Variants in EPHB1 observed in about 807,000 individuals in gnomAD.
The protein encoded by EPHB1 is EPH receptor B1, also known as ephrin type-B receptor 1.
Under a neutral mutation model 94.4 loss-of-function variants are expected in EPHB1, and 30 were observed. The observed-to-expected ratio is 0.32, with a 90% confidence interval of 0.24 to 0.43. The LOEUF (loss-of-function observed/expected upper bound fraction) is 0.43. Among genes scored for constraint, EPHB1 ranks in the 20% least tolerant of loss-of-function variants. The pLI is 1.00. For synonymous variants in EPHB1, 522 were observed against 489.1 expected (o/e 1.07, Z -0.89); for missense variants, 1,055 against 1,308.3 (o/e 0.81, Z 2.99).
intron 12 of EPHB1, among the ~76,000 whole-genome samples, chr3:135,211,496 A>G (rs954295155): frequency 3.3e-5 from 5 of 152,182 alleles, no homozygotes; most frequent in African/African-American, 1.2e-4. Flanking sequence ...TGCATTTCTT[A>G]GTTTTCTTTA....
chr3:134,897,009 A>G (rs535768292), intron 1 of EPHB1, among the ~76,000 whole-genome samples: 2 of 152,324 alleles, frequency 1.3e-5, no homozygotes, highest in South Asian at 2.1e-4. Flanking sequence ...TGGGCCACAC[A>G]GGGCCCTGCA....
At chr3:135,108,048 A>G (rs1939290607) in intron 4 of EPHB1, among the ~76,000 whole-genome samples, 1 of 152,160 alleles carries the variant, frequency 6.6e-6, no homozygotes, top group African/African-American at 2.4e-5. Context: ...CAGACCAAAG[A>G]CTAGTCTCCA....
Position 134,795,406 on chromosome 3 carries a change from A to C in EPHB1, c.-226A>C. ...CACGCACACACCCACCTCTCCCATA[A>C]ACACACACACACACATGCACACCCA... On this transcript the variant is annotated 5_prime_UTR_variant, in exon 1 of 16. Transcript: ENST00000398015. 1.9e-6 allele frequency: 1 copy of C among 529,692 alleles called. No homozygotes were observed. The allele number at this position is 529,692 out of a possible 1,614,324, so 32.8% of individuals were successfully genotyped here.
At chr3:135,194,734 G>A (rs183245658) in intron 11 of EPHB1, among the ~76,000 whole-genome samples, 2 of 152,134 alleles carry the variant, frequency 1.3e-5, no homozygotes, top group Admixed American at 6.5e-5. Flanking sequence ...TGCAGGGGTG[G>A]AGAACAACTG....
intron 1 of EPHB1, among the ~76,000 whole-genome samples, chr3:134,835,783 G>T (rs868382458): frequency 5.3e-5 from 8 of 152,132 alleles, no homozygotes; most frequent in Admixed American, 1.3e-4. Context: ...CAGAAAAGGG[G>T]TGTCAAGATT....
intron 3 of EPHB1, among the ~76,000 whole-genome samples, chr3:135,028,113 C>T (rs1021814104): frequency 2.1e-5 from 3 of 143,222 alleles, no homozygotes; most frequent in African/African-American, 8.1e-5. Context: ...ATTCTTCTCT[C>T]TTTTTTTCTT....
chr3:134,878,993 C>T (rs1026000406), intron 1 of EPHB1, among the ~76,000 whole-genome samples: 54 of 152,152 alleles, frequency 3.5e-4, no homozygotes, highest in Admixed American at 2.6e-3. Context: ...AGACTTTCTC[C>T]GTTAAGATAA....
At chr3:135,005,637 C>A (rs991182988) in intron 3 of EPHB1, among the ~76,000 whole-genome samples, 1 of 152,260 alleles carries the variant, frequency 6.6e-6, no homozygotes, top group African/African-American at 2.4e-5. Flanking sequence ...CCCTCCGAGC[C>A]AGGTGCGGGA....
At chr3:135,200,012 GAGTGCCTATGTTT>G (rs1180575272) in intron 11 of EPHB1, among the ~76,000 whole-genome samples, 2 of 152,178 alleles carry the variant, frequency 1.3e-5, no homozygotes, top group Middle Eastern at 3.2e-3. Flanking sequence ...TTGCCTTGCA[GAGTGCCTATGTTT>G]AGCAGTAAAC....
chr3:135,002,290 G>A (rs992323102), intron 3 of EPHB1, among the ~76,000 whole-genome samples: 110 of 152,272 alleles, frequency 7.2e-4, no homozygotes, highest in African/African-American at 2.4e-3. Context: ...TGCATCCCAG[G>A]GATGAAGCCC....
At chr3:135,040,033 G>A (rs1027009987) in intron 3 of EPHB1, among the ~76,000 whole-genome samples, 36 of 152,210 alleles carry the variant, frequency 2.4e-4, no homozygotes, top group Non-Finnish European at 5.0e-4. Flanking sequence ...CTGCCACATG[G>A]AGCAGGAGAA....
chr3:134,994,986 TTGTGTGTG>T (rs57873051), intron 3 of EPHB1, among the ~76,000 whole-genome samples: 1 of 148,378 alleles, frequency 6.7e-6, no homozygotes, highest in Non-Finnish European at 1.5e-5. Context: ...TTACATACAC[TTGTGTGTG>T]TGTGTGTGTG....
intron 1 of EPHB1, among the ~76,000 whole-genome samples, chr3:134,831,998 G>A (rs1187760080): frequency 6.6e-6 from 1 of 152,230 alleles, no homozygotes; most frequent in East Asian, 1.9e-4. Flanking sequence ...TCAGTGTCAT[G>A]GCAGGGTGGG....
At chr3:135,131,722 A>C (rs1033715926) in intron 4 of EPHB1, among the ~76,000 whole-genome samples, 3 of 152,202 alleles carry the variant, frequency 2.0e-5, no homozygotes, top group African/African-American at 7.2e-5. Context: ...GCAACAAGGC[A>C]TTTCAGTTTT....
intron 3 of EPHB1, among the ~76,000 whole-genome samples, chr3:135,102,396 A>C (rs7373775): frequency 0.9 from 136,963 of 152,194 alleles, 62,114 homozygotes; most frequent in South Asian, 0.98. Flanking sequence ...TTATTTATCA[A>C]CCCAAGTTAA....
At chr3:134,946,709 C>G (rs1262830230) in intron 2 of EPHB1, among the ~76,000 whole-genome samples, 1 of 152,266 alleles carries the variant, frequency 6.6e-6, no homozygotes, top group East Asian at 1.9e-4. Flanking sequence ...GAGTCTCACT[C>G]TATTAGTTCA....
At chr3:134,842,175 G>C (rs1336484811) in intron 1 of EPHB1, among the ~76,000 whole-genome samples, 1 of 152,116 alleles carries the variant, frequency 6.6e-6, no homozygotes, top group East Asian at 1.9e-4. Flanking sequence ...CACCATATGA[G>C]GACACATGGA....
chr3:135,182,963 C>T lies in EPHB1; in HGVS notation c.1882+2981C>T, dbSNP rs574390714. Among the ~76,000 whole-genome samples, 5 of 147,934 alleles carry T rather than the reference C, an allele frequency of 3.4e-5. No homozygotes were observed. In the Admixed American group the frequency reaches 3.4e-4, roughly 10 times the overall value. The stretch of plus-strand genomic sequence containing the variant: ...CTGCCCTCTGTTTGTTCTTTCGTTT[C>T]TTTTCTCTTTTCTTTTCTTTTGCTT... On this transcript the variant is annotated intron_variant, in intron 10 of 15. Coordinates refer to ENST00000398015, the MANE Select transcript of EPHB1 (RefSeq NM_004441.5).
Position 134,795,608 on chromosome 3 carries a change from C to T in EPHB1, c.-24C>T, listed in dbSNP as rs371421012. ...CGGCGCTGCTGCCTCGGCTTGGTCT[C>T]GGCCTGCGGGCCGTCGGCCGGCGAT... On this transcript the variant is annotated 5_prime_UTR_variant, in exon 1 of 16. Transcript: ENST00000398015. The T allele has an allele frequency of 9.4e-6, 15 of 1,603,876 alleles. No individual in the cohort carries two copies. The highest frequency in any genetic ancestry group is 1.3e-5 in the Non-Finnish European group (15 of 1,176,202).
Sources: allele counts gnomAD v4.1 joint callset (sites outside exome capture counted in the v4.1 genomes callset), GRCh38; gene constraint gnomAD v4.1.1; transcripts MANE v1.5; gene names NCBI Gene and HGNC (gene_info 2026-07-23, HGNC 2026-07-21).